CUL5: variants seen among roughly 807,000 people sequenced by gnomAD.
The protein encoded by CUL5 is cullin 5, also known as cullin-5.
Under a neutral mutation model 108.8 loss-of-function variants are expected in CUL5, and 26 were observed. The ratio of observed to expected loss-of-function variants is 0.24; its 90% CI spans 0.18 to 0.33. The LOEUF (loss-of-function observed/expected upper bound fraction) is 0.33. Among genes scored for constraint, CUL5 ranks in the 10% least tolerant of loss-of-function variants. CUL5 has a pLI of 1.00. For missense variants in CUL5, 524 were observed against 909.2 expected, an observed-to-expected ratio of 0.58 and a Z score of 5.45; for synonymous variants, 334 against 298.0, an observed-to-expected ratio of 1.12 and a Z score of -1.25.
At chr11:108,103,702 A>C (rs1456038294) in intron 18 of CUL5, among the ~76,000 whole-genome samples, 2 of 152,232 alleles carry the variant, frequency 1.3e-5, no homozygotes, top group Non-Finnish European at 2.9e-5. Flanking sequence ...TGGCATGGGA[A>C]AAAAGGAATT....
At chr11:108,051,070 A>G (rs1251727632) in intron 4 of CUL5, among the ~76,000 whole-genome samples, 1 of 152,232 alleles carries the variant, frequency 6.6e-6, no homozygotes, top group African/African-American at 2.4e-5. Flanking sequence ...CTCAGGCATT[A>G]CAATAGTGTA....
At position 108,054,609 on chromosome 11, in the gene CUL5, A is replaced by G. The variant is rs1407905794; in HGVS notation, c.554-38A>G. 4 of 1,375,866 alleles carry G rather than the reference A, an allele frequency of 2.9e-6. No individual in the cohort carries two copies. The South Asian group carries it at 4.0e-5, about 14-fold the overall frequency. The allele number at this position is 1,375,866 out of a possible 1,614,324, so 85.2% of individuals were successfully genotyped here. A position where few individuals can be genotyped will look rare whatever the true frequency, so the allele number is the denominator to read the frequency against. ...TATTATACTCAAAATACTGATTTTGATCATAATTGGAGTAATACTTTATTT... is the reference window on the plus strand; with the variant it reads ...TATTATACTCAAAATACTGATTTTGGTCATAATTGGAGTAATACTTTATTT... On this transcript the variant is annotated intron_variant, in intron 5 of 18. Transcript: ENST00000393094.
chr11:108,103,966 C>G (rs778904693), intron 18 of CUL5, among the ~76,000 whole-genome samples: 3 of 152,116 alleles, frequency 2.0e-5, no homozygotes, highest in Non-Finnish European at 2.9e-5. Context: ...CCTATCCCCC[C>G]ACCCCAATAA....
chr11:108,079,951 T>G (rs1214182455), intron 11 of CUL5, among the ~76,000 whole-genome samples: 1 of 152,182 alleles, frequency 6.6e-6, no homozygotes, highest in Non-Finnish European at 1.5e-5. Flanking sequence ...GTTATTCTCT[T>G]TTACACTTCC....
chr11:108,069,465 C>T (rs1158587532), intron 7 of CUL5, among the ~76,000 whole-genome samples: 1 of 152,146 alleles, frequency 6.6e-6, no homozygotes, highest in African/African-American at 2.4e-5. Flanking sequence ...CTTGTACTTA[C>T]TTTACAGGAT....
chr11:108,088,411 A>C, intron 11 of CUL5, 116 bp from the exon 12 acceptor site: 1 of 1,171,140 alleles, frequency 8.5e-7, no homozygotes, highest in Non-Finnish European at 1.2e-6. Context: ...CTAGTTCCAA[A>C]CCTGATCACT....
At chr11:108,067,894 C>T (rs1863725378) in intron 7 of CUL5, among the ~76,000 whole-genome samples, 1 of 152,072 alleles carries the variant, frequency 6.6e-6, no homozygotes, top group South Asian at 2.1e-4. Context: ...AGTTTCTTAA[C>T]CATTTTATAT....
intron 5 of CUL5, among the ~76,000 whole-genome samples, chr11:108,054,019 T>C (rs1863309257): frequency 6.6e-6 from 1 of 152,164 alleles, no homozygotes; most frequent in Non-Finnish European, 1.5e-5. Context: ...CTAATGTTTG[T>C]ATTTTTAGTA....
chr11:108,046,734 T>C (rs1345800296), intron 3 of CUL5, among the ~76,000 whole-genome samples: 1 of 152,202 alleles, frequency 6.6e-6, no homozygotes, highest in Non-Finnish European at 1.5e-5. Flanking sequence ...ATTTCTTCAA[T>C]TCCAGATCCT....
At chr11:108,048,562 C>T (rs935700947) in intron 3 of CUL5, among the ~76,000 whole-genome samples, 1 of 150,828 alleles carries the variant, frequency 6.6e-6, no homozygotes, top group Non-Finnish European at 1.5e-5. Context: ...AGAAATCTTT[C>T]ACTGTTACAT....
At position 108,078,206 on chromosome 11, in the gene CUL5, A is replaced by G. The variant is rs149666803; in HGVS notation, c.1144A>G (p.Ile382Val). Residue 382 changes from isoleucine (I) to valine (V), a missense_variant, in exon 11 of 19, where the codon ATA becomes GTA. Around this residue, in one of 8 missense-constraint regions of CUL5, gnomAD observed 76 missense variants for 168.3 expected, o/e 0.45. Transcript: ENST00000393094. ...TAAAGCAGTTGTTAATGATGCTACC[A>G]TATTTAAACTTGAATTACCTTTGAA... ...AYKAVVNDAT[I>V]FKLELPLKQK... 9 of 1,573,214 alleles carry G rather than the reference A, an allele frequency of 5.7e-6. No homozygotes were observed. Among genetic ancestry groups the G allele is most frequent in the African/African-American group, 1.4e-5 (1 of 73,440 alleles).
At chr11:108,052,435 A>AT (rs1044647801) in intron 4 of CUL5, among the ~76,000 whole-genome samples, 4 of 151,132 alleles carry the variant, frequency 2.6e-5, no homozygotes, top group South Asian at 2.1e-4. Flanking sequence ...TTTTTTTTGT[A>AT]TTTTTTTGTA....
chr11:108,068,054 G>T (rs565956749), intron 7 of CUL5, among the ~76,000 whole-genome samples: 1 of 151,690 alleles, frequency 6.6e-6, no homozygotes, highest in African/African-American at 2.4e-5. Flanking sequence ...TCAGCCTCCC[G>T]AGTAGCTGGG....
chr11:108,019,712 T>C (rs1862283333), intron 1 of CUL5, among the ~76,000 whole-genome samples: 1 of 152,154 alleles, frequency 6.6e-6, no homozygotes, highest in African/African-American at 2.4e-5. Flanking sequence ...CCTTGGATAA[T>C]AGGATAATAA....
chr11:108,068,380 A>G (rs1286006622), intron 7 of CUL5, among the ~76,000 whole-genome samples: 7 of 152,026 alleles, frequency 4.6e-5, no homozygotes, highest in Non-Finnish European at 1.0e-4. Flanking sequence ...CTGCAGTGAC[A>G]TGATCAAGGC....
At chr11:108,075,882 T>C (rs1043551997) in intron 10 of CUL5, among the ~76,000 whole-genome samples, 4 of 152,196 alleles carry the variant, frequency 2.6e-5, no homozygotes, top group Non-Finnish European at 4.4e-5. Context: ...GTCTCAGCCC[T>C]GTCATCTCAC....
At chr11:108,070,607 T>C (rs1240695008) in intron 8 of CUL5, among the ~76,000 whole-genome samples, 1 of 101,374 alleles carries the variant, frequency 9.9e-6, no homozygotes, top group Non-Finnish European at 2.0e-5. Flanking sequence ...CAAAATACTT[T>C]ATAAGATTTC....
At chr11:108,037,285 T>C (rs1042549423) in intron 2 of CUL5, among the ~76,000 whole-genome samples, 2 of 152,092 alleles carry the variant, frequency 1.3e-5, no homozygotes, top group East Asian at 3.8e-4. Context: ...AGACAGAAGC[T>C]CAGCTGCTGT....
chr11:108,093,781 T>C (rs1159842996), intron 13 of CUL5, among the ~76,000 whole-genome samples: 1 of 152,148 alleles, frequency 6.6e-6, no homozygotes, highest in African/African-American at 2.4e-5. Context: ...AATCAGAGCT[T>C]AAACTCCTGG....
Sources: gnomAD v4.1 joint callset for allele counts (sites outside exome capture counted in the v4.1 genomes callset) on GRCh38, gnomAD v4.1.1 for gene constraint, gnomAD v4.1.1 regional missense constraint, MANE v1.5 for transcripts, NCBI Gene and HGNC (gene_info 2026-07-23, HGNC 2026-07-21) for gene names.